The following CREBZF variants were observed in gnomAD, a reference collection of about 807,000 sequenced individuals.
CREBZF encodes HCF-binding transcription factor Zhangfei.
Under a neutral mutation model 21.1 loss-of-function variants are expected in CREBZF, and 8 were observed. That is an observed-to-expected ratio of 0.38 (90% CI 0.22 to 0.68). CREBZF has a LOEUF of 0.68. Among genes scored for constraint, CREBZF ranks in the 30% least tolerant of loss-of-function variants. CREBZF has a pLI of 0.51. For synonymous variants in CREBZF, 270 were observed against 223.3 expected (o/e 1.21, Z -1.86); for missense variants, 518 against 484.3 (o/e 1.07, Z -0.65).
At chr11:85,668,106 AT>A (rs1345379247), upstream of CREBZF, among the ~76,000 whole-genome samples, 1 of 152,204 alleles carries the variant, frequency 6.6e-6, no homozygotes, top group Non-Finnish European at 1.5e-5. Context: ...CAGTTCTGCA[AT>A]TCCAGAAGCA....
At chr11:85,682,613 AACG>A in intron 1 of CREBZF, 2 of 11,046 alleles carry the variant, frequency 1.8e-4, no homozygotes, top group Non-Finnish European at 3.3e-4. Flanking sequence ...TACTCCCCCC[AACG>A]CGATCTTCCA....
At chr11:85,668,920 T>C (rs1254017923), upstream of CREBZF, among the ~76,000 whole-genome samples, 1 of 135,992 alleles carries the variant, frequency 7.4e-6, no homozygotes, top group Admixed American at 8.5e-5. Flanking sequence ...GAGAATGGCG[T>C]GAACCTGGGA....
rs746650496 is a variant in CREBZF, at chr11:85,664,908, C to A, written c.-33G>T. ...AGCGGCGGGCCGCGGTAGGCCCCGG[C>A]CGCTAAGAGTGGGCCTCACGGGCCC... On this transcript the variant is annotated 5_prime_UTR_variant, in exon 1 of 1. Coordinates refer to ENST00000527447, the MANE Select transcript of CREBZF (RefSeq NM_001039618.4). The surrounding 1 kb of genome is among the most constrained non-coding windows in gnomAD (Gnocchi z 5.5). 2 of 1,415,968 alleles carry A rather than the reference C, an allele frequency of 1.4e-6. No individual in the cohort carries two copies. Among genetic ancestry groups the A allele is most frequent in the South Asian group, 3.1e-5 (2 of 65,052 alleles). 87.7% of individuals were successfully genotyped at this position (1,415,968 alleles called of 1,614,324 possible). A position where few individuals can be genotyped will look rare whatever the true frequency, so the allele number is the denominator to read the frequency against.
intron 1 of CREBZF, among the ~76,000 whole-genome samples, chr11:85,676,588 C>T (rs2082943921): frequency 6.6e-6 from 1 of 152,012 alleles, no homozygotes. Flanking sequence ...GACATCATGT[C>T]GTTTCATCCC....
At chr11:85,669,038 A>AAAAAAAAAAAG (rs2082892670), upstream of CREBZF, among the ~76,000 whole-genome samples, 2 of 128,704 alleles carry the variant, frequency 1.6e-5, no homozygotes, top group African/African-American at 5.8e-5. Flanking sequence ...AAAAAAAAAA[A>AAAAAAAAAAAG]AAAGAAACAT....
chr11:85,662,653 C>G lies in CREBZF; in HGVS notation c.*1158G>C. On this transcript the variant is annotated 3_prime_UTR_variant, in exon 1 of 1. Coordinates refer to ENST00000527447, the MANE Select transcript of CREBZF (RefSeq NM_001039618.4). ...ATCGTGTCATTTAAGTGGCCAGAACCACTCAATTTAAAAAATTATTTTAAA... is the reference window on the plus strand; with the variant it reads ...ATCGTGTCATTTAAGTGGCCAGAACGACTCAATTTAAAAAATTATTTTAAA... 2.4e-6 allele frequency: 1 copy of G among 418,404 alleles called. No individual in the cohort carries two copies. Among genetic ancestry groups the G allele is most frequent in the Non-Finnish European group, 4.3e-6 (1 of 234,638 alleles). 25.9% of individuals were successfully genotyped at this position (418,404 alleles called of 1,614,324 possible). A position where few individuals can be genotyped will look rare whatever the true frequency, so the allele number is the denominator to read the frequency against.
chr11:85,673,313 C>T (rs1189448993), intron 1 of CREBZF, among the ~76,000 whole-genome samples: 4 of 152,144 alleles, frequency 2.6e-5, no homozygotes, highest in African/African-American at 9.7e-5. Flanking sequence ...AATGTACAGG[C>T]ATACCTCGGA....
chr11:85,682,050 T>C (rs1444012921), intron 1 of CREBZF, among the ~76,000 whole-genome samples: 1 of 152,126 alleles, frequency 6.6e-6, no homozygotes, highest in African/African-American at 2.4e-5. Context: ...AAATAAAATA[T>C]GGGGCCGCTT....
chr11:85,681,139 G>A (rs141794699), intron 1 of CREBZF, among the ~76,000 whole-genome samples: 68 of 152,336 alleles, frequency 4.5e-4, no homozygotes, highest in African/African-American at 1.6e-3. Flanking sequence ...TAGGGGAGCA[G>A]TTAAGAGTCA....
chr11:85,682,225 T>G (rs2082980828), intron 1 of CREBZF, among the ~76,000 whole-genome samples: 1 of 152,128 alleles, frequency 6.6e-6, no homozygotes, highest in African/African-American at 2.4e-5. Flanking sequence ...TCCCTTTTTT[T>G]TCATCCGTAA....
At position 85,664,368 on chromosome 11, in the gene CREBZF, T is replaced by A. The variant is rs774284429; in HGVS notation, c.508A>T (p.Ile170Phe). 72 of 1,613,560 alleles carry A rather than the reference T, an allele frequency of 4.5e-5. No individual in the cohort carries two copies. The highest frequency in any genetic ancestry group is 5.8e-5 in the Non-Finnish European group (69 of 1,179,978). ...TCACTGCTGCTGCTGCAGCCTCCGATACCGTTTAACAGCCTTTGCAGCAGG... is the reference window on the plus strand; with the variant it reads ...TCACTGCTGCTGCTGCAGCCTCCGAAACCGTTTAACAGCCTTTGCAGCAGG... ...SDLLQRLLNG[I>F]GGCSSSSDSG... is the part of the protein sequence containing the mutation. The change falls in exon 1 of 1, where the codon ATC (isoleucine) becomes TTC (phenylalanine). Residue 170 changes from isoleucine (I) to phenylalanine (F), a missense_variant. Coordinates refer to ENST00000527447, the MANE Select transcript of CREBZF (RefSeq NM_001039618.4). This position sits in a 1 kb window ranked among gnomAD's most constrained non-coding sequence, Gnocchi z 5.5.
intron 1 of CREBZF, among the ~76,000 whole-genome samples, chr11:85,680,872 GA>G (rs2082972309): frequency 6.6e-6 from 1 of 152,226 alleles, no homozygotes; most frequent in African/African-American, 2.4e-5. Context: ...ATGTAGCACA[GA>G]AGGCACTATT....
chr11:85,664,065 A>T lies in CREBZF; in HGVS notation c.811T>A (p.Leu271Ile). The change falls in exon 1 of 1, where the codon TTA becomes ATA. Residue 271 changes from leucine to isoleucine, a missense_variant. Transcript: ENST00000527447. This position sits in a 1 kb window ranked among gnomAD's most constrained non-coding sequence, Gnocchi z 5.5. ...CGAGCCAGTCCAGTCTCGTTGGCTA[A>T]GACTGCCCGTAGGTAGCGACTCTCC... ...QEESRYLRAV[L>I]ANETGLARLL... is the part of the protein sequence containing the mutation. 6.2e-7 allele frequency: 1 copy of T among 1,613,660 alleles called. No homozygotes were observed. Among genetic ancestry groups the T allele is most frequent in the Non-Finnish European group, 8.5e-7 (1 of 1,180,010 alleles).
chr11:85,671,864 T>G (rs758592301), intron 1 of CREBZF, among the ~76,000 whole-genome samples: 2 of 152,196 alleles, frequency 1.3e-5, no homozygotes, highest in Non-Finnish European at 2.9e-5. Flanking sequence ...TGTTGATAGA[T>G]CTACCATTCT....
In CREBZF at chr11:85,663,850, C is replaced by G. The variant is rs747978455; in HGVS notation, c.1026G>C (p.Ser342=). 1 of 1,605,326 alleles carries G rather than the reference C, an allele frequency of 6.2e-7. No homozygotes were observed. The highest frequency in any genetic ancestry group is 8.5e-7 in the Non-Finnish European group (1 of 1,177,586). ...AAGACGACGCCTTCCGGGCGCACGCCGAGCAGAACTCCACCGACACCTTAT... is the reference window on the plus strand; with the variant it reads ...AAGACGACGCCTTCCGGGCGCACGCGGAGCAGAACTCCACCGACACCTTAT... ...DKDKVSVEFC[S]ACARKASSSL... The change falls in exon 1 of 1, where the codon TCG becomes TCC. Residue 342 remains serine (S), a synonymous_variant. Transcript: ENST00000527447.
chr11:85,677,476 C>T (rs867850925), intron 1 of CREBZF, among the ~76,000 whole-genome samples: 4 of 152,288 alleles, frequency 2.6e-5, no homozygotes, highest in Middle Eastern at 3.4e-3. Flanking sequence ...TCCCCCACCC[C>T]CTTTCCCAAA....
At chr11:85,679,393 T>G (rs2082961754) in intron 1 of CREBZF, among the ~76,000 whole-genome samples, 1 of 152,218 alleles carries the variant, frequency 6.6e-6, no homozygotes, top group Non-Finnish European at 1.5e-5. Flanking sequence ...CTTAGCATAG[T>G]GTCTTGGCTA....
chr11:85,682,191 T>C (rs898847618), intron 1 of CREBZF, among the ~76,000 whole-genome samples: 4 of 152,204 alleles, frequency 2.6e-5, no homozygotes, highest in Non-Finnish European at 5.9e-5. Context: ...TTCCTGGCTT[T>C]GGACAAGTCA....
chr11:85,664,617 CCTCCTCCTCCA>C lies in CREBZF; in HGVS notation c.248_258del (p.Met83SerfsTer39). On this transcript the variant is annotated frameshift_variant, in exon 1 of 1. Transcript: ENST00000527447. LOFTEE classifies it high-confidence loss of function. This position sits in a 1 kb window ranked among gnomAD's most constrained non-coding sequence, Gnocchi z 5.5. ...TCTTCCCCCGGGAGGCTGGCGATCG[CCTCCTCCTCCA>C]TCTCCTCGGGGGAGGGCGCGCGCAC... The C allele has an allele frequency of 6.2e-7, 1 of 1,613,346 alleles. No homozygotes were observed. Among genetic ancestry groups the C allele is most frequent in the Non-Finnish European group, 8.5e-7 (1 of 1,179,692 alleles).
Sources: allele counts gnomAD v4.1 joint callset (sites outside exome capture counted in the v4.1 genomes callset), GRCh38; gene constraint gnomAD v4.1.1; non-coding constraint Gnocchi (gnomAD v3.1); transcripts MANE v1.5; gene names NCBI Gene and HGNC (gene_info 2026-07-23, HGNC 2026-07-21).